The following ALG6 variants were observed in gnomAD, a reference collection of about 807,000 sequenced individuals.
ALG6 encodes dolichyl pyrophosphate Man9GlcNAc2 alpha-1,3-glucosyltransferase.
A neutral mutation model predicts 66.6 loss-of-function variants in ALG6; 46 were observed. That is an observed-to-expected ratio of 0.69 (90% CI 0.55 to 0.88). The LOEUF (loss-of-function observed/expected upper bound fraction) is 0.88, where lower values mean the gene tolerates loss of function less well. ALG6 is among the 40% of genes least tolerant of loss of function. The pLI, the probability that ALG6 is intolerant of heterozygous loss-of-function variation, is 0.00. For synonymous variants in ALG6, 185 were observed against 203.7 expected (o/e 0.91, Z 0.78); for missense variants, 505 against 586.8 (o/e 0.86, Z 1.44).
chr1:63,381,346 A>C lies in ALG6; in HGVS notation c.82+10287A>C, dbSNP rs371030773. 2.4e-4 allele frequency among the ~76,000 whole-genome samples: 37 copies of C among 152,074 alleles called. 2 individuals carry two copies. The South Asian group carries it at 6.4e-3, about 26-fold the overall frequency. ...GCGGGCGCCTGTAGTCCCAGCTACTAGGGAGGCTGAGGCAGGAGAATGGCA... is the reference window on the plus strand; with the variant it reads ...GCGGGCGCCTGTAGTCCCAGCTACTCGGGAGGCTGAGGCAGGAGAATGGCA... On this transcript the variant is annotated intron_variant, in intron 2 of 14. Coordinates refer to ENST00000263440, the MANE Select transcript of ALG6 (RefSeq NM_013339.4).
At chr1:63,377,151 G>A (rs1273162622) in intron 2 of ALG6, among the ~76,000 whole-genome samples, 2 of 152,024 alleles carry the variant, frequency 1.3e-5, no homozygotes, top group African/African-American at 4.8e-5. Context: ...TAGTAGAGAC[G>A]GGGTTTCACC....
rs554745798 is a variant in ALG6, at chr1:63,372,618, A to T, written c.82+1559A>T. On this transcript the variant is annotated intron_variant, in intron 2 of 14. Transcript: ENST00000263440. Reference sequence around the variant, plus strand: ...TAAATATCTGTATATATGTGTGTATATAGCAAATGTGTATGTAGAGAATAA... The same window carrying T: ...TAAATATCTGTATATATGTGTGTATTTAGCAAATGTGTATGTAGAGAATAA... 5.3e-5 allele frequency among the ~76,000 whole-genome samples: 8 copies of T among 152,270 alleles called. No homozygotes were observed. In the South Asian group the frequency reaches 1.7e-3, roughly 32 times the overall value.
intron 2 of ALG6, among the ~76,000 whole-genome samples, chr1:63,377,245 A>AT (rs1406831658): frequency 1.3e-5 from 2 of 152,028 alleles, no homozygotes; most frequent in African/African-American, 4.8e-5. Context: ...AACAGGTAGA[A>AT]TTTTTTTGTG....
intron 11 of ALG6, among the ~76,000 whole-genome samples, chr1:63,417,131 G>C (rs1185407676): frequency 1.3e-5 from 2 of 152,166 alleles, no homozygotes; most frequent in East Asian, 3.8e-4. Flanking sequence ...CAAGTCATCT[G>C]TTGTTAATAT....
At chr1:63,428,630 T>C in intron 12 of ALG6, 103 bp from the exon 13 acceptor site, 1 of 892,244 alleles carries the variant, frequency 1.1e-6, no homozygotes, top group African/African-American at 1.7e-5. Flanking sequence ...GTTTTTAAGC[T>C]ACCGCTGAAA....
chr1:63,406,150 G>C (rs1165942295), intron 5 of ALG6, among the ~76,000 whole-genome samples, 167 bp from the exon 6 acceptor site: 4 of 152,092 alleles, frequency 2.6e-5, no homozygotes, highest in Non-Finnish European at 5.9e-5. Flanking sequence ...ATTGAAATTA[G>C]TCACAGGTGA....
intron 14 of ALG6, chr1:63,429,428 G>A: frequency 3.5e-6 from 1 of 284,350 alleles, no homozygotes; most frequent in Non-Finnish European, 6.7e-6. Flanking sequence ...CTTTAGATTT[G>A]CCTACTTTGG....
chr1:63,424,034 G>A (rs749784768), intron 12 of ALG6, among the ~76,000 whole-genome samples: 3 of 152,112 alleles, frequency 2.0e-5, no homozygotes, highest in Non-Finnish European at 2.9e-5. Context: ...GTATCTCATC[G>A]TGATTCTGAT....
At chr1:63,372,480 A>G (rs565707908) in intron 2 of ALG6, among the ~76,000 whole-genome samples, 69 of 149,128 alleles carry the variant, frequency 4.6e-4, no homozygotes, top group African/African-American at 1.6e-3. Flanking sequence ...GTATATACAC[A>G]GACACACACA....
chr1:63,421,666 A>G (rs1422898283), intron 12 of ALG6, among the ~76,000 whole-genome samples: 1 of 152,180 alleles, frequency 6.6e-6, no homozygotes, highest in Non-Finnish European at 1.5e-5. Flanking sequence ...AATGTGGCAC[A>G]TACACACCAT....
intron 2 of ALG6, among the ~76,000 whole-genome samples, chr1:63,386,202 T>G (rs1419945741): frequency 1.3e-5 from 2 of 152,240 alleles, no homozygotes; most frequent in African/African-American, 4.8e-5. Context: ...AATGCACTGT[T>G]GATTACAGTT....
rs763303967 is a variant in ALG6, at chr1:63,428,735, C to T, written c.1061C>T (p.Pro354Leu). The T allele has an allele frequency of 2.5e-6, 4 of 1,598,330 alleles. No homozygotes were observed. Among genetic ancestry groups the T allele is most frequent in the African/African-American group, 2.7e-5 (2 of 74,444 alleles). ...HEKSILLVSL[P>L]VCLVLSEIPF... ...TATTTTTTTCTTTACGATTTTAGACCAGTCTGCTTAGTTTTAAGTGAAATT... is the reference window on the plus strand; with the variant it reads ...TATTTTTTTCTTTACGATTTTAGACTAGTCTGCTTAGTTTTAAGTGAAATT... The change falls in exon 13 of 15, where the codon CCA becomes CTA. Residue 354 changes from proline (P) to leucine (L), a missense_variant and splice_region_variant. Transcript: ENST00000263440.
chr1:63,380,184 G>T (rs1648258334), intron 2 of ALG6, among the ~76,000 whole-genome samples: 1 of 152,218 alleles, frequency 6.6e-6, no homozygotes, highest in East Asian at 1.9e-4. Flanking sequence ...ATGAGGACCG[G>T]CCAACAGTGT....
At chr1:63,404,808 A>G (rs1037475490) in intron 5 of ALG6, among the ~76,000 whole-genome samples, 2 of 152,112 alleles carry the variant, frequency 1.3e-5, no homozygotes, top group Non-Finnish European at 2.9e-5. Flanking sequence ...GATAAATACT[A>G]TTATTCTTAT....
intron 2 of ALG6, among the ~76,000 whole-genome samples, chr1:63,391,824 C>T (rs990378334): frequency 6.6e-6 from 1 of 152,098 alleles, no homozygotes; most frequent in Non-Finnish European, 1.5e-5. Context: ...TTTCAGAGAC[C>T]TAAAAATATT....
At chr1:63,380,022 A>G (rs916281429) in intron 2 of ALG6, among the ~76,000 whole-genome samples, 1 of 152,020 alleles carries the variant, frequency 6.6e-6, no homozygotes, top group African/African-American at 2.4e-5. Context: ...AACAAAAGCA[A>G]CTTTTGTGCA....
intron 3 of ALG6, among the ~76,000 whole-genome samples, chr1:63,400,930 G>A (rs372189516): frequency 2.3e-3 from 343 of 152,270 alleles, no homozygotes; most frequent in African/African-American, 8.0e-3. Context: ...TATAATTGGT[G>A]CCTGTCTTCA....
At chr1:63,400,796 A>G (rs1644461510) in intron 3 of ALG6, among the ~76,000 whole-genome samples, 1 of 152,198 alleles carries the variant, frequency 6.6e-6, no homozygotes, top group South Asian at 2.1e-4. Context: ...AATTGGAACT[A>G]CTATTGAGCA....
chr1:63,382,410 C>T (rs1648346581), intron 2 of ALG6, among the ~76,000 whole-genome samples: 1 of 151,726 alleles, frequency 6.6e-6, no homozygotes, highest in Admixed American at 6.6e-5. Context: ...ACCATGTTGA[C>T]CAGACTGGTC....
Sources: allele counts gnomAD v4.1 joint callset (sites outside exome capture counted in the v4.1 genomes callset), GRCh38; gene constraint gnomAD v4.1.1; transcripts MANE v1.5; gene names NCBI Gene and HGNC (gene_info 2026-07-23, HGNC 2026-07-21).